CDHR1: variants seen among roughly 807,000 people sequenced by gnomAD.
The protein encoded by CDHR1 is cadherin related family member 1, also known as cadherin-related family member 1.
Under a neutral mutation model 72.1 loss-of-function variants are expected in CDHR1, and 61 were observed. The observed-to-expected ratio is 0.85, with a 90% CI of 0.69 to 1.05. CDHR1 has a LOEUF of 1.05. Among genes scored for constraint, CDHR1 ranks in the 50% least tolerant of loss-of-function variants. CDHR1 has a pLI of 0.00. For synonymous variants in CDHR1, 470 were observed against 448.1 expected (o/e 1.05, Z -0.62); for missense variants, 1,186 against 1,115.7 (o/e 1.06, Z -0.90).
At chr10:84,199,302 A>G (rs1459919777) in intron 5 of CDHR1, among the ~76,000 whole-genome samples, 181 bp downstream of exon 5, 2 of 152,188 alleles carry the variant, frequency 1.3e-5, no homozygotes, top group African/African-American at 4.8e-5. Context: ...TCCATTATAC[A>G]TGTTCAGTGT....
intron 9 of CDHR1, among the ~76,000 whole-genome samples, chr10:84,205,113 G>A (rs1159676048): frequency 1.3e-5 from 2 of 152,166 alleles, no homozygotes; most frequent in African/African-American, 2.4e-5. Flanking sequence ...GAGCCTGCTA[G>A]CTCCACAGTC....
chr10:84,202,495 C>T (rs1842145720), intron 7 of CDHR1, among the ~76,000 whole-genome samples: 1 of 152,244 alleles, frequency 6.6e-6, no homozygotes, highest in South Asian at 2.1e-4. Flanking sequence ...GCCTGGCTTA[C>T]AGGCCATCCC....
At chr10:84,209,698 C>T (rs950445020) in intron 12 of CDHR1, among the ~76,000 whole-genome samples, 2 of 147,962 alleles carry the variant, frequency 1.4e-5, no homozygotes, top group Non-Finnish European at 3.0e-5. Context: ...TGGCTGATTA[C>T]AAAGTTAATG....
chr10:84,202,116 G>A (rs1842138887), intron 7 of CDHR1, among the ~76,000 whole-genome samples, 196 bp downstream of exon 7: 1 of 152,178 alleles, frequency 6.6e-6, no homozygotes, highest in South Asian at 2.1e-4. Flanking sequence ...GGCTGTGGGA[G>A]GGCATATGCC....
In CDHR1 at chr10:84,214,568, G is replaced by A; in HGVS notation, c.2527G>A (p.Glu843Lys). ...GSPVQSTLIS[E>K]LKQKFEKKSV... Reference sequence around the variant, plus strand: ...CCCCGTCCAGTCAACTCTGATCTCTGAGCTCAAGCAAAAGTTTGAGAAGAA... The same window carrying A: ...CCCCGTCCAGTCAACTCTGATCTCTAAGCTCAAGCAAAAGTTTGAGAAGAA... The change falls in exon 17 of 17, where the codon GAG becomes AAG. Residue 843 changes from glutamate to lysine, a missense_variant. Physicochemically the swap from Glu to Lys is moderately conservative, Grantham distance 56 (BLOSUM62 1). Transcript: ENST00000623527. The A allele has an allele frequency of 6.2e-7, 1 of 1,600,676 alleles. No homozygotes were observed. Among genetic ancestry groups the A allele is most frequent in the Non-Finnish European group, 8.5e-7 (1 of 1,179,936 alleles).
chr10:84,201,674 C>T, intron 6 of CDHR1, 133 bp from the exon 7 acceptor site: 1 of 722,306 alleles, frequency 1.4e-6, no homozygotes, highest in Non-Finnish European at 2.4e-6. Flanking sequence ...AAGCTGAGTG[C>T]TCTGAAGTAG....
intron 12 of CDHR1, 86 bp downstream of exon 12, chr10:84,208,967 T>C (rs1221280594): frequency 7.2e-7 from 1 of 1,389,884 alleles, no homozygotes; most frequent in Non-Finnish European, 1.0e-6. Flanking sequence ...GAGGGGTCTC[T>C]TGTCACTCTC....
Position 84,211,016 on chromosome 10 carries a change from G to A in CDHR1, c.1336G>A (p.Val446Met), listed in dbSNP as rs866874840. 1 of 1,614,224 alleles carries A rather than the reference G, an allele frequency of 6.2e-7. No homozygotes were observed. Among genetic ancestry groups the A allele is most frequent in the Non-Finnish European group, 8.5e-7 (1 of 1,180,032 alleles). ...VLTFKLLAVE[V>M]NTPEKFSSTA... ...CCCTTCCCAGCTCCTGGCTGTTGAA[G>A]TGAACACCCCAGAGAAGTTCAGTTC... Residue 446 changes from valine to methionine, a missense_variant, in exon 13 of 17, where the codon GTG becomes ATG. By Grantham distance (21) the Val-to-Met change is conservative. Coordinates refer to ENST00000623527, the MANE Select transcript of CDHR1 (RefSeq NM_033100.4).
In CDHR1 at chr10:84,215,521, T is replaced by C; in HGVS notation, c.*900T>C. 1.4e-5 allele frequency: 13 copies of C among 944,430 alleles called. No individual in the cohort carries two copies. In the South Asian group the frequency reaches 2.4e-4, roughly 18 times the overall value. 58.5% of individuals were successfully genotyped at this position (944,430 alleles called of 1,614,324 possible). ...TTCCGTTTTTATCCAGCTCTTTTGC[T>C]CACATCGCGTAACCTTGGGAAAGCT... is the stretch of plus-strand genomic sequence containing the variant. On this transcript the variant is annotated 3_prime_UTR_variant, in exon 17 of 17. Coordinates refer to ENST00000623527, the MANE Select transcript of CDHR1 (RefSeq NM_033100.4).
At chr10:84,211,207 C>T (rs1842325299) in intron 13 of CDHR1, 42 bp downstream of exon 13, 1 of 1,601,762 alleles carries the variant, frequency 6.2e-7, no homozygotes, top group Non-Finnish European at 8.6e-7. Flanking sequence ...GGATAGGAGG[C>T]CTTGTGAAGC....
Position 84,202,967 on chromosome 10 carries a change from G to T in CDHR1, c.640-13G>T. On this transcript the variant is annotated splice_polypyrimidine_tract_variant and intron_variant, in intron 7 of 16. Coordinates refer to ENST00000623527, the MANE Select transcript of CDHR1 (RefSeq NM_033100.4). ...TTGTCTTCACTCTCCTGTGGCCTCC[G>T]ATTCTTCTGCAGGATGGCGGTGGGA... is the stretch of plus-strand genomic sequence containing the variant. 2.5e-6 allele frequency: 4 copies of T among 1,614,120 alleles called. No individual in the cohort carries two copies. Among genetic ancestry groups the T allele is most frequent in the Non-Finnish European group, 3.4e-6 (4 of 1,180,012 alleles).
In CDHR1 at chr10:84,217,239, CTGGCACCA is replaced by C. The variant is rs368281792; in HGVS notation, c.*2622_*2629del. The C allele has an allele frequency of 9.7e-4, 957 of 985,518 alleles. 5 individuals are homozygous for C. The African/African-American group carries it at 0.016, about 16-fold the overall frequency. 61.0% of individuals were successfully genotyped at this position (985,518 alleles called of 1,614,324 possible). On this transcript the variant is annotated 3_prime_UTR_variant, in exon 17 of 17. Transcript: ENST00000623527. ...CCAGTAGGACAGGCAGAGCTCCAGG[CTGGCACCA>C]TGGTAGGCCTCCAGGGAAAGAGCTG... is the stretch of plus-strand genomic sequence containing the variant.
intron 8 of CDHR1, among the ~76,000 whole-genome samples, chr10:84,203,359 A>C (rs879731075): frequency 6.6e-6 from 1 of 152,114 alleles, no homozygotes; most frequent in Non-Finnish European, 1.5e-5. Flanking sequence ...GCTAGGCTAC[A>C]GCTTAAGAAC....
chr10:84,217,921 C>A lies in CDHR1; in HGVS notation c.*3300C>A. On this transcript the variant is annotated 3_prime_UTR_variant, in exon 17 of 17. Transcript: ENST00000623527. ...GAACTTGTGGCACTCTGTCCTCAAG[C>A]AGCTGTCCCTCAGAATCCTGCTAGA... 1.0e-6 allele frequency: 1 copy of A among 985,460 alleles called. No homozygotes were observed. The highest frequency in any genetic ancestry group is 1.2e-6 in the Non-Finnish European group (1 of 829,948). The allele number at this position is 985,460 out of a possible 1,614,324, so 61.0% of individuals were successfully genotyped here.
At chr10:84,212,113 G>A in intron 14 of CDHR1, 66 bp from the exon 15 acceptor site, 1 of 1,352,816 alleles carries the variant, frequency 7.4e-7, no homozygotes, top group Non-Finnish European at 1.1e-6. Flanking sequence ...ATTATTGCAG[G>A]CATGTGTATG....
Position 84,216,134 on chromosome 10 carries a change from GCA to G in CDHR1, c.*1516_*1517del, listed in dbSNP as rs754348351. Reference sequence around the variant, plus strand: ...CTGCTATCAGGAAATCTACATGTGTGCACAGAGAGAGAAAAGTAGAACAGTTC... The same window carrying G: ...CTGCTATCAGGAAATCTACATGTGTGCAGAGAGAGAAAAGTAGAACAGTTC... On this transcript the variant is annotated 3_prime_UTR_variant, in exon 17 of 17. Coordinates refer to ENST00000623527, the MANE Select transcript of CDHR1 (RefSeq NM_033100.4). The G allele has an allele frequency of 3.8e-5, 37 of 985,316 alleles. No individual in the cohort carries two copies. The highest frequency in any genetic ancestry group is 4.5e-5 in the Non-Finnish European group (37 of 829,940). 61.0% of individuals were successfully genotyped at this position (985,316 alleles called of 1,614,324 possible).
rs1842160836 is a variant in CDHR1, at chr10:84,203,137, CCCCTCAG to C, written c.783+17_783+23del. The C allele has an allele frequency of 1.2e-6, 2 of 1,613,966 alleles. No homozygotes were observed. The highest frequency in any genetic ancestry group is 1.7e-6 in the Non-Finnish European group (2 of 1,179,970). On this transcript the variant is annotated intron_variant, in intron 8 of 16. Transcript: ENST00000623527. ...GACACCCTTCCGGTGGGTGGCTGTC[CCCCTCAG>C]CCAGCGATCCCTCCAAATGCCTCCT...
intron 11 of CDHR1, 113 bp downstream of exon 11, chr10:84,208,490 G>A (rs1842270854): frequency 8.3e-7 from 1 of 1,201,492 alleles, no homozygotes; most frequent in Non-Finnish European, 1.2e-6. Context: ...GACCAGGTGG[G>A]CCACAAAATG....
Position 84,216,775 on chromosome 10 carries a change from A to G in CDHR1, c.*2154A>G, listed in dbSNP as rs984115472. 2 of 985,404 alleles carry G rather than the reference A, an allele frequency of 2.0e-6. No homozygotes were observed. Among genetic ancestry groups the G allele is most frequent in the African/African-American group, 1.7e-5 (1 of 57,272 alleles). 61.0% of individuals were successfully genotyped at this position (985,404 alleles called of 1,614,324 possible). A position where few individuals can be genotyped will look rare whatever the true frequency, so the allele number is the denominator to read the frequency against. On this transcript the variant is annotated 3_prime_UTR_variant, in exon 17 of 17. Coordinates refer to ENST00000623527, the MANE Select transcript of CDHR1 (RefSeq NM_033100.4). ...TCTCCCAAACAGGACAAGCCCAGGC[A>G]GGGCTGCATGGAGAGGAATGGAACC...
Sources: allele counts gnomAD v4.1 joint callset (sites outside exome capture counted in the v4.1 genomes callset), GRCh38; gene constraint gnomAD v4.1.1; transcripts MANE v1.5; gene names NCBI Gene and HGNC (gene_info 2026-07-23, HGNC 2026-07-21).